SATB2: variants seen among roughly 807,000 people sequenced by gnomAD.
SATB2 encodes the protein DNA-binding protein SATB2.
Under a neutral mutation model 73.4 loss-of-function variants are expected in SATB2, and 1 was observed. The ratio of observed to expected loss-of-function variants is 0.01; its 90% CI spans 0.00 to 0.06. The LOEUF is 0.06. SATB2 is among the 10% of genes least tolerant of loss of function. SATB2 has a pLI of 1.00. For missense variants in SATB2, 459 were observed against 945.8 expected (o/e 0.49, Z 6.75); for synonymous variants, 397 against 367.0 (o/e 1.08, Z -0.93).
intron 3 of SATB2, among the ~76,000 whole-genome samples, chr2:199,384,017 T>C (rs764889999): frequency 6.6e-6 from 1 of 152,202 alleles, no homozygotes; most frequent in Non-Finnish European, 1.5e-5. Flanking sequence ...TTAATATGCA[T>C]ACATTTTTGT....
chr2:199,468,424 A>G (rs1692634435), upstream of SATB2, among the ~76,000 whole-genome samples: 2 of 151,916 alleles, frequency 1.3e-5, no homozygotes, highest in South Asian at 4.1e-4. Context: ...GCCACAGGAC[A>G]TTAGCTCTGG....
At chr2:199,399,030 G>C in intron 3 of SATB2, among the ~76,000 whole-genome samples, 1 of 152,126 alleles carries the variant, frequency 6.6e-6, no homozygotes, top group East Asian at 1.9e-4. Context: ...CAGCACTTTG[G>C]GAGGCCAAGG....
intron 10 of SATB2, among the ~76,000 whole-genome samples, chr2:199,294,662 A>G (rs1692971226): frequency 6.6e-6 from 1 of 152,192 alleles, no homozygotes; most frequent in Admixed American, 6.5e-5. Context: ...GTCTTCTCTT[A>G]CCACACTTTT....
At chr2:199,396,845 A>T (rs1690316369) in intron 3 of SATB2, 2 of 152,216 alleles carry the variant, frequency 1.3e-5, no homozygotes, top group African/African-American at 4.8e-5. Context: ...CATAAAATGA[A>T]GCAGATTGCA....
At chr2:199,380,251 A>G in intron 5 of SATB2, 113 bp downstream of exon 5, 1 of 1,317,586 alleles carries the variant, frequency 7.6e-7, no homozygotes, top group Non-Finnish European at 1.1e-6. Context: ...AATGCAGTTT[A>G]AGTCTATAAA....
At chr2:199,432,328 C>A (rs189044127) in intron 3 of SATB2, among the ~76,000 whole-genome samples, 72 of 152,294 alleles carry the variant, frequency 4.7e-4, no homozygotes, top group African/African-American at 1.5e-3. Flanking sequence ...ATTTAAATCC[C>A]TTGGTCACCA....
intron 3 of SATB2, among the ~76,000 whole-genome samples, chr2:199,428,088 T>G (rs559922500): frequency 8.6e-4 from 131 of 152,300 alleles, no homozygotes; most frequent in African/African-American, 3.0e-3. Context: ...GACAAAACAT[T>G]TGTAAGTTTG....
intron 3 of SATB2, among the ~76,000 whole-genome samples, chr2:199,393,440 G>T (rs899639536): frequency 6.6e-6 from 1 of 152,084 alleles, no homozygotes; most frequent in Non-Finnish European, 1.5e-5. Context: ...GGATATCCAG[G>T]AAGACTAGCC....
intron 9 of SATB2, among the ~76,000 whole-genome samples, chr2:199,319,209 C>T (rs1687818035): frequency 6.6e-6 from 1 of 152,108 alleles, no homozygotes; most frequent in Non-Finnish European, 1.5e-5. Flanking sequence ...AATTATGCCT[C>T]CCATTCTAAA....
intron 7 of SATB2, among the ~76,000 whole-genome samples, chr2:199,333,487 G>T (rs960976618): frequency 6.6e-6 from 1 of 152,084 alleles, no homozygotes; most frequent in Non-Finnish European, 1.5e-5. Context: ...ATGAATATTG[G>T]GCAGCGTGTG....
chr2:199,327,226 G>C (rs1460341982), intron 8 of SATB2, among the ~76,000 whole-genome samples: 4 of 152,108 alleles, frequency 2.6e-5, no homozygotes, highest in Non-Finnish European at 5.9e-5. Context: ...GATTACTTGA[G>C]GTCAGGAGTT....
intron 7 of SATB2, among the ~76,000 whole-genome samples, chr2:199,330,358 A>G (rs1044597173): frequency 3.3e-5 from 5 of 152,244 alleles, no homozygotes; most frequent in Non-Finnish European, 5.9e-5. Context: ...ACTTACAAGT[A>G]CTATGTCATC....
At chr2:199,404,643 AAAC>A (rs1306367150) in intron 3 of SATB2, among the ~76,000 whole-genome samples, 18 of 152,342 alleles carry the variant, frequency 1.2e-4, no homozygotes, top group African/African-American at 3.6e-4. Flanking sequence ...AGCCAAAAAT[AAAC>A]AACGTTTATA....
At chr2:199,448,488 A>AT in intron 2 of SATB2, among the ~76,000 whole-genome samples, 1 of 152,278 alleles carries the variant, frequency 6.6e-6, no homozygotes, top group African/African-American at 2.4e-5. Context: ...AGTAAAAAGT[A>AT]TTTTTTAAAG....
intron 10 of SATB2, among the ~76,000 whole-genome samples, chr2:199,293,734 A>G (rs1030451640): frequency 6.6e-6 from 1 of 152,138 alleles, no homozygotes; most frequent in Non-Finnish European, 1.5e-5. Context: ...CGCTTTTGGT[A>G]TTCAGTCTCT....
rs576318551 is a variant in SATB2 at position 199,454,469 on chromosome 2, T to C, written c.169+1400A>G. On this transcript the variant is annotated intron_variant, in intron 2 of 10. Transcript: ENST00000417098. ...TGATTATGCCAAAAGTCTGACATTA[T>C]TTGCTCCAGTATCAGGACAACAAAT... 2.0e-5 allele frequency among the ~76,000 whole-genome samples: 3 copies of C among 152,294 alleles called. No homozygotes were observed. The South Asian group carries it at 6.2e-4, about 32-fold the overall frequency.
chr2:199,282,273 AG>A (rs1362799626), intron 10 of SATB2, among the ~76,000 whole-genome samples: 5 of 152,128 alleles, frequency 3.3e-5, no homozygotes, highest in Non-Finnish European at 7.4e-5. Context: ...TTTTAGCAAA[AG>A]AATGTTTAAA....
intron 7 of SATB2, among the ~76,000 whole-genome samples, chr2:199,336,620 C>T (rs1688345027): frequency 6.6e-6 from 1 of 152,116 alleles, no homozygotes; most frequent in Admixed American, 6.6e-5. Flanking sequence ...AATATTTCTG[C>T]ATTAGTTTTA....
Position 199,349,120 on chromosome 2 carries a change from G to C in SATB2, c.754C>G (p.Pro252Ala), listed in dbSNP as rs769032202. ...TGGTTCATATTTGGTAAATGCATTG[G>C]ACGCTGGCCCAGAACACAATAGTCT... ...LSDYCVLGQR[P>A]MHLPNMNQLA... Residue 252 changes from proline to alanine, a missense_variant, in exon 7 of 11, where the codon CCA (proline) becomes GCA (alanine). This residue lies in a region of SATB2 where 77 missense variants were observed against 90.4 expected (regional missense o/e 0.85). Transcript: ENST00000417098. 6.2e-7 allele frequency: 1 copy of C among 1,613,916 alleles called. No individual in the cohort carries two copies. Among genetic ancestry groups the C allele is most frequent in the South Asian group, 1.1e-5 (1 of 91,054 alleles).
Sources: gnomAD v4.1 joint callset for allele counts (sites outside exome capture counted in the v4.1 genomes callset) on GRCh38, gnomAD v4.1.1 for gene constraint, gnomAD v4.1.1 regional missense constraint, MANE v1.5 for transcripts, NCBI Gene and HGNC (gene_info 2026-07-23, HGNC 2026-07-21) for gene names.